PCBP3: variants seen among roughly 807,000 people sequenced by gnomAD.
The protein encoded by PCBP3 is poly(rC)-binding protein 3.
Under a neutral mutation model 52.7 loss-of-function variants are expected in PCBP3, and 25 were observed. That is an observed-to-expected ratio of 0.47 (90% CI 0.35 to 0.66). The LOEUF is 0.66. Among genes scored for constraint, PCBP3 ranks in the 30% least tolerant of loss-of-function variants. The pLI is 0.01. For synonymous variants in PCBP3, 162 were observed against 183.0 expected (o/e 0.89, Z 0.93); for missense variants, 391 against 490.3 (o/e 0.80, Z 1.91).
In PCBP3 at chr21:45,737,727, G is replaced by GTAC. The variant is rs1333180655; in HGVS notation, c.-162+2299_-162+2301dup. ...CAGTACAGACAGGGAACTTTTATAG[G>GTAC]TACCTGTGGCCTCTTCTGCTGGTGG... On this transcript the variant is annotated intron_variant, in intron 3 of 17. Coordinates refer to ENST00000681687, the MANE Select transcript of PCBP3 (RefSeq NM_001384156.1). This position sits in a 1 kb window ranked among gnomAD's most constrained non-coding sequence, Gnocchi z 4.9. 6.6e-6 allele frequency among the ~76,000 whole-genome samples: 1 copy of GTAC among 152,190 alleles called. No individual in the cohort carries two copies. The highest frequency in any genetic ancestry group is 2.4e-5 in the African/African-American group (1 of 41,436).
chr21:45,674,467 C>T (rs2081348636), intron 2 of PCBP3, among the ~76,000 whole-genome samples: 1 of 152,210 alleles, frequency 6.6e-6, no homozygotes, highest in Non-Finnish European at 1.5e-5. Flanking sequence ...CCAATACCAA[C>T]AAACTGGATT....
rs1200704609 is a variant in PCBP3 at position 45,683,923 on chromosome 21, C to CA, written c.-200+14981dup. Among the ~76,000 whole-genome samples, 164 of 145,748 alleles carry CA rather than the reference C, an allele frequency of 1.1e-3. 1 individual carries two copies. The highest frequency in any genetic ancestry group is 3.1e-3 in the African/African-American group (123 of 39,680). The stretch of plus-strand genomic sequence containing the variant: ...CCTGGGCGACAGCGAGACTCCATCT[C>CA]AAAAAAAAAATAAAAATAAAAAATA... On this transcript the variant is annotated intron_variant, in intron 2 of 17. Coordinates refer to ENST00000681687, the MANE Select transcript of PCBP3 (RefSeq NM_001384156.1).
At chr21:45,645,269 T>C (rs1244945490) in intron 1 of PCBP3, among the ~76,000 whole-genome samples, 1 of 152,200 alleles carries the variant, frequency 6.6e-6, no homozygotes, top group African/African-American at 2.4e-5. Flanking sequence ...GTAGATGCTG[T>C]TGTTTATACA....
At chr21:45,775,311 T>TA (rs397694892) in intron 4 of PCBP3, among the ~76,000 whole-genome samples, 101 of 151,642 alleles carry the variant, frequency 6.7e-4, no homozygotes, top group Non-Finnish European at 1.1e-3. Context: ...CTTTTTTTTT[T>TA]ATAATAGTCT....
chr21:45,711,582 T>TA lies in PCBP3; in HGVS notation c.-199-23809dup, dbSNP rs1290222263. On this transcript the variant is annotated intron_variant, in intron 2 of 17. Transcript: ENST00000681687. The stretch of plus-strand genomic sequence containing the variant: ...CTCCTTGGTAAACAACTTTATCAAT[T>TA]AGAGTACAGTGCTTATGTACTTCAG... 5.3e-5 allele frequency among the ~76,000 whole-genome samples: 8 copies of TA among 152,230 alleles called. 1 individual carries two copies. The highest frequency in any genetic ancestry group is 2.0e-4 in the Admixed American group (3 of 15,282).
chr21:45,901,768 G>C (rs1334585214), intron 9 of PCBP3, among the ~76,000 whole-genome samples: 1 of 142,052 alleles, frequency 7.0e-6, no homozygotes, highest in Non-Finnish European at 1.5e-5. Flanking sequence ...GAGACAGAGA[G>C]AGAGCGAGGG....
In PCBP3 at chr21:45,741,697, A is replaced by T. The variant is rs1236429799; in HGVS notation, c.-162+6268A>T. On this transcript the variant is annotated intron_variant, in intron 3 of 17. Coordinates refer to ENST00000681687, the MANE Select transcript of PCBP3 (RefSeq NM_001384156.1). The surrounding 1 kb of genome is among the most constrained non-coding windows in gnomAD (Gnocchi z 4.5). ...TAAAAAATTTTAAAGGTTATATGGC[A>T]AATATTATTTTATAAAAAATTGATG... Among the ~76,000 whole-genome samples the T allele has an allele frequency of 2.0e-5, 3 of 152,168 alleles. No homozygotes were observed. Among genetic ancestry groups the T allele is most frequent in the African/African-American group, 7.2e-5 (3 of 41,424 alleles).
intron 16 of PCBP3, among the ~76,000 whole-genome samples, 183 bp from the exon 17 acceptor site, chr21:45,939,847 C>T (rs1411106520): frequency 6.6e-6 from 1 of 152,200 alleles, no homozygotes; most frequent in East Asian, 1.9e-4. Flanking sequence ...GGGCAGGTGG[C>T]CTGGATCAGG....
rs2083356216 is a variant in PCBP3 at position 45,704,948 on chromosome 21, C to T, written c.-199-30444C>T. Among the ~76,000 whole-genome samples the T allele has an allele frequency of 6.6e-6, 1 of 152,148 alleles. No homozygotes were observed. Among genetic ancestry groups the T allele is most frequent in the African/African-American group, 2.4e-5 (1 of 41,432 alleles). The stretch of plus-strand genomic sequence containing the variant: ...TTGGTCTCTGGAGCCTGGTTTCTAC[C>T]ATTAGCCTCCACAGAGCCCATCTTG... On this transcript the variant is annotated intron_variant, in intron 2 of 17. Coordinates refer to ENST00000681687, the MANE Select transcript of PCBP3 (RefSeq NM_001384156.1). This position sits in a 1 kb window ranked among gnomAD's most constrained non-coding sequence, Gnocchi z 4.1.
At position 45,917,291 on chromosome 21, in the gene PCBP3, T is replaced by A. The variant is rs2073621538; in HGVS notation, c.676-297T>A. ...AGACCTCTTACTGGGCAGATCACTCTTCGATTCTTTTGCTTTAAGAAACTT... is the reference window on the plus strand; with the variant it reads ...AGACCTCTTACTGGGCAGATCACTCATCGATTCTTTTGCTTTAAGAAACTT... On this transcript the variant is annotated intron_variant, in intron 12 of 17. Transcript: ENST00000681687. This position sits in a 1 kb window ranked among gnomAD's most constrained non-coding sequence, Gnocchi z 5.3. The A allele has an allele frequency of 2.7e-6, 1 of 364,430 alleles. No individual in the cohort carries two copies. Among genetic ancestry groups the A allele is most frequent in the African/African-American group, 2.1e-5 (1 of 47,952 alleles). The allele number at this position is 364,430 out of a possible 1,614,324, so 22.6% of individuals were successfully genotyped here. A position where few individuals can be genotyped will look rare whatever the true frequency, so the allele number is the denominator to read the frequency against.
chr21:45,729,182 C>T (rs781269895), intron 2 of PCBP3, among the ~76,000 whole-genome samples: 8 of 152,100 alleles, frequency 5.3e-5, no homozygotes, highest in Non-Finnish European at 1.0e-4. Flanking sequence ...TAACCTTTTA[C>T]GTCTGGGTTC....
intron 3 of PCBP3, chr21:45,748,225 A>G (rs2087088447): frequency 6.6e-6 from 1 of 152,628 alleles, no homozygotes; most frequent in African/African-American, 2.4e-5. Context: ...CTTGCTCGTC[A>G]GCGTGCATGG....
chr21:45,832,950 A>G (rs2093487716), intron 4 of PCBP3, among the ~76,000 whole-genome samples: 1 of 152,194 alleles, frequency 6.6e-6, no homozygotes, highest in Admixed American at 6.5e-5. Flanking sequence ...ACTCGCTATC[A>G]TGAGAACGGT....
intron 5 of PCBP3, among the ~76,000 whole-genome samples, chr21:45,890,245 A>G (rs1257093329): frequency 6.6e-6 from 1 of 152,272 alleles, no homozygotes; most frequent in Admixed American, 6.5e-5. Flanking sequence ...TGGGCAGCAC[A>G]GAAAAGGCTG....
At chr21:45,699,738 G>A (rs143333797) in intron 2 of PCBP3, among the ~76,000 whole-genome samples, 140 of 150,528 alleles carry the variant, frequency 9.3e-4, no homozygotes, top group Non-Finnish European at 1.4e-3. Context: ...GAAACTCCCT[G>A]TATAAAACCA....
rs753708392 is a variant in PCBP3, at chr21:45,656,890, C to T, written c.-278-11984C>T. 3.2e-4 allele frequency among the ~76,000 whole-genome samples: 49 copies of T among 152,132 alleles called. No homozygotes were observed. The highest frequency in any genetic ancestry group is 5.6e-4 in the Non-Finnish European group (38 of 68,030). On this transcript the variant is annotated intron_variant, in intron 1 of 17. Coordinates refer to ENST00000681687, the MANE Select transcript of PCBP3 (RefSeq NM_001384156.1). The surrounding 1 kb of genome is among the most constrained non-coding windows in gnomAD (Gnocchi z 4.3). The stretch of plus-strand genomic sequence containing the variant: ...AGGCTAGAGTGCAGTGGCGCAACCT[C>T]GGCTCACTGCAAGCTCTGCCTCCCA...
chr21:45,697,961 A>C (rs2082886564), intron 2 of PCBP3, among the ~76,000 whole-genome samples: 1 of 151,914 alleles, frequency 6.6e-6, no homozygotes, highest in South Asian at 2.1e-4. Context: ...CAGTCATCAG[A>C]CACCAGATGC....
chr21:45,730,576 T>C (rs1268714051), intron 2 of PCBP3, among the ~76,000 whole-genome samples: 2 of 152,188 alleles, frequency 1.3e-5, no homozygotes, highest in African/African-American at 4.8e-5. Flanking sequence ...TTGAGTCTCC[T>C]ATATCCCGTA....
intron 2 of PCBP3, among the ~76,000 whole-genome samples, chr21:45,676,501 A>G (rs549620089): frequency 6.6e-6 from 1 of 152,036 alleles, no homozygotes; most frequent in Middle Eastern, 3.4e-3. Flanking sequence ...TATTTCAAAC[A>G]TTTTCATTAT....
Sources: allele counts gnomAD v4.1 joint callset (sites outside exome capture counted in the v4.1 genomes callset), GRCh38; gene constraint gnomAD v4.1.1; non-coding constraint Gnocchi (gnomAD v3.1); transcripts MANE v1.5; gene names NCBI Gene and HGNC (gene_info 2026-07-23, HGNC 2026-07-21).